The following GABRB1 variants were observed in gnomAD, a reference collection of about 807,000 sequenced individuals.
GABRB1 encodes the protein gamma-aminobutyric acid type A receptor subunit beta1.
A neutral mutation model predicts 51.6 loss-of-function variants in GABRB1; 17 were observed. The ratio of observed to expected loss-of-function variants is 0.33; its 90% CI spans 0.23 to 0.49. The LOEUF is 0.49. Among genes scored for constraint, GABRB1 ranks in the 20% least tolerant of loss-of-function variants. The probability of loss-of-function intolerance (pLI) is 0.99; values close to 1 mark genes in which losing one functional copy is unlikely to be tolerated. For missense variants in GABRB1, 410 were observed against 600.6 expected (o/e 0.68, Z 3.32); for synonymous variants, 247 against 218.9 (o/e 1.13, Z -1.14).
At chr4:47,202,103 A>G (rs1256410100) in intron 4 of GABRB1, among the ~76,000 whole-genome samples, 1 of 152,060 alleles carries the variant, frequency 6.6e-6, no homozygotes, top group Non-Finnish European at 1.5e-5. Context: ...TATAATTTCC[A>G]TAATCCCCAT....
At chr4:47,049,548 A>G (rs1246259511) in intron 3 of GABRB1, among the ~76,000 whole-genome samples, 1 of 152,234 alleles carries the variant, frequency 6.6e-6, no homozygotes, top group Non-Finnish European at 1.5e-5. Flanking sequence ...GAACAGGGAA[A>G]TTACATTATG....
chr4:47,399,786 T>C (rs1001326592), intron 5 of GABRB1, among the ~76,000 whole-genome samples: 18 of 152,236 alleles, frequency 1.2e-4, no homozygotes, highest in African/African-American at 4.1e-4. Context: ...GTGGGTGTCA[T>C]TCCATAATCT....
At chr4:47,091,103 C>T (rs938177789) in intron 3 of GABRB1, among the ~76,000 whole-genome samples, 20 of 141,960 alleles carry the variant, frequency 1.4e-4, no homozygotes, top group African/African-American at 4.8e-4. Flanking sequence ...TTTTGGTTGT[C>T]GCATCTAAGA....
chr4:47,407,871 C>T (rs1000637009), intron 8 of GABRB1, among the ~76,000 whole-genome samples: 1 of 152,082 alleles, frequency 6.6e-6, no homozygotes, highest in African/African-American at 2.4e-5. Flanking sequence ...GGCTGAGGCT[C>T]ACTGGAGCCT....
chr4:47,367,663 C>T (rs1305702976), intron 5 of GABRB1, among the ~76,000 whole-genome samples: 1 of 152,228 alleles, frequency 6.6e-6, no homozygotes, highest in African/African-American at 2.4e-5. Context: ...TGCCAGTCTC[C>T]AACCTTTATC....
At chr4:47,042,595 G>A (rs879305454) in intron 3 of GABRB1, among the ~76,000 whole-genome samples, 1 of 150,768 alleles carries the variant, frequency 6.6e-6, no homozygotes, top group Non-Finnish European at 1.5e-5. Context: ...GTAATAAATT[G>A]TTAAAGAATA....
intron 3 of GABRB1, among the ~76,000 whole-genome samples, chr4:47,081,703 T>C (rs4613538): frequency 0.8 from 121,106 of 152,058 alleles, 48,618 homozygotes; most frequent in South Asian, 0.85. Flanking sequence ...TGGCCTTTCT[T>C]TAGTACCGGA....
At chr4:47,159,748 T>C (rs1026001999) in intron 3 of GABRB1, among the ~76,000 whole-genome samples, 4 of 152,076 alleles carry the variant, frequency 2.6e-5, no homozygotes, top group Admixed American at 6.6e-5. Flanking sequence ...TTTTCAGAAA[T>C]GCATAAATAT....
At chr4:47,392,622 G>A (rs567563718) in intron 5 of GABRB1, among the ~76,000 whole-genome samples, 6 of 152,180 alleles carry the variant, frequency 3.9e-5, no homozygotes, top group East Asian at 3.9e-4. Context: ...GATTACAGGC[G>A]TGAGCCACCG....
At chr4:47,262,599 G>C (rs7686691) in intron 4 of GABRB1, among the ~76,000 whole-genome samples, 29,049 of 152,004 alleles carry the variant, frequency 0.19, 2,849 homozygotes, top group East Asian at 0.25. Flanking sequence ...GTTGGTGGGA[G>C]TGTAAACTAG....
At chr4:47,374,369 A>G (rs1727308110) in intron 5 of GABRB1, among the ~76,000 whole-genome samples, 1 of 152,226 alleles carries the variant, frequency 6.6e-6, no homozygotes, top group Admixed American at 6.5e-5. Context: ...AGCCTGGGCA[A>G]CAGAGAGAGA....
At chr4:47,172,930 T>G (rs533382356) in intron 4 of GABRB1, among the ~76,000 whole-genome samples, 1 of 152,140 alleles carries the variant, frequency 6.6e-6, no homozygotes, top group South Asian at 2.1e-4. Context: ...TTCTAAATCT[T>G]TTTTCTTCTT....
At chr4:47,294,825 G>A (rs1188674516) in intron 4 of GABRB1, among the ~76,000 whole-genome samples, 2 of 152,222 alleles carry the variant, frequency 1.3e-5, no homozygotes, top group Non-Finnish European at 2.9e-5. Context: ...CCTGACCCCT[G>A]ACCCCCGAGC....
At chr4:47,289,025 A>G (rs559606137) in intron 4 of GABRB1, among the ~76,000 whole-genome samples, 51 of 152,274 alleles carry the variant, frequency 3.3e-4, no homozygotes, top group South Asian at 2.1e-3. Context: ...AAGTGAAGAA[A>G]TCAGCACAAG....
chr4:47,161,790 T>C (rs1418611898), intron 4 of GABRB1, among the ~76,000 whole-genome samples: 2 of 152,106 alleles, frequency 1.3e-5, no homozygotes, highest in East Asian at 1.9e-4. Flanking sequence ...ATGAAACCTA[T>C]ATATTCATAA....
intron 4 of GABRB1, among the ~76,000 whole-genome samples, chr4:47,288,946 T>C (rs1723618789): frequency 6.6e-6 from 1 of 152,192 alleles, no homozygotes; most frequent in Non-Finnish European, 1.5e-5. Context: ...TATGTACATC[T>C]TATATTTTTA....
chr4:47,182,973 T>C (rs903726229), intron 4 of GABRB1, among the ~76,000 whole-genome samples: 24 of 151,928 alleles, frequency 1.6e-4, no homozygotes, highest in African/African-American at 5.6e-4. Flanking sequence ...ATTCAGGCTC[T>C]TTCTTCAGCT....
At position 47,385,762 on chromosome 4, in the gene GABRB1, T is replaced by A. The variant is rs371111906; in HGVS notation, c.545-17556T>A. On this transcript the variant is annotated intron_variant, in intron 5 of 8. Coordinates refer to ENST00000295454, the MANE Select transcript of GABRB1 (RefSeq NM_000812.4). The stretch of plus-strand genomic sequence containing the variant: ...TCTGATGCCATTCACAAGCATTGGG[T>A]TCCCGGGTTACCCACAACTCTGTCC... 3.3e-5 allele frequency among the ~76,000 whole-genome samples: 5 copies of A among 152,224 alleles called. No homozygotes were observed. In the East Asian group the frequency reaches 7.7e-4, roughly 24 times the overall value.
At chr4:47,204,059 A>C (rs922796813) in intron 4 of GABRB1, among the ~76,000 whole-genome samples, 23 of 152,162 alleles carry the variant, frequency 1.5e-4, no homozygotes, top group African/African-American at 4.8e-4. Flanking sequence ...GAAATAAAAA[A>C]CTGAATTTGG....
Sources: gnomAD v4.1 joint callset for allele counts (sites outside exome capture counted in the v4.1 genomes callset) on GRCh38, gnomAD v4.1.1 for gene constraint, MANE v1.5 for transcripts, NCBI Gene and HGNC (gene_info 2026-07-23, HGNC 2026-07-21) for gene names.